APLF: variants seen among roughly 807,000 people sequenced by gnomAD.
APLF encodes aprataxin and PNK-like factor.
APLF carries 61 observed loss-of-function variants against 55.6 expected under a neutral mutation model. That is an observed-to-expected ratio of 1.10 (90% confidence interval 0.89 to 1.36). The LOEUF (loss-of-function observed/expected upper bound fraction) is 1.36. Ranked by LOEUF, APLF falls within the 40% of genes most tolerant of loss-of-function variation. The pLI, the probability that APLF is intolerant of heterozygous loss-of-function variation, is 0.00. For synonymous variants in APLF, 207 were observed against 214.8 expected, an observed-to-expected ratio of 0.96 and a Z score of 0.32; for missense variants, 611 against 602.5, an observed-to-expected ratio of 1.01 and a Z score of -0.15.
intron 6 of APLF, chr2:68,528,669 C>T (rs1350122696): frequency 9.3e-6 from 14 of 1,511,848 alleles, no homozygotes; most frequent in Non-Finnish European, 1.2e-5. Flanking sequence ...CAGCCCGGAA[C>T]TGGGGCAGGG....
At chr2:68,552,550 A>G (rs1670894681) in intron 8 of APLF, among the ~76,000 whole-genome samples, 1 of 152,078 alleles carries the variant, frequency 6.6e-6, no homozygotes. Context: ...CATAAAAGTG[A>G]TTTTTACAGC....
At chr2:68,555,116 A>G (rs1286512810) in intron 8 of APLF, among the ~76,000 whole-genome samples, 1 of 152,122 alleles carries the variant, frequency 6.6e-6, no homozygotes, top group African/African-American at 2.4e-5. Flanking sequence ...CATGTAGGAA[A>G]ATGAAACTGG....
chr2:68,510,737 G>A (rs771150601), intron 3 of APLF, among the ~76,000 whole-genome samples: 20 of 151,730 alleles, frequency 1.3e-4, no homozygotes, highest in Non-Finnish European at 2.4e-4. Context: ...GTTCACAGCA[G>A]CATTATTCAT....
chr2:68,568,711 C>T (rs537407284), intron 9 of APLF, among the ~76,000 whole-genome samples: 1 of 152,106 alleles, frequency 6.6e-6, no homozygotes, highest in South Asian at 2.1e-4. Flanking sequence ...CATCATATAG[C>T]ATAGTTAAAA....
intron 1 of APLF, among the ~76,000 whole-genome samples, chr2:68,480,006 A>T (rs1389691861): frequency 6.6e-6 from 1 of 152,208 alleles, no homozygotes; most frequent in Non-Finnish European, 1.5e-5. Flanking sequence ...CTAGCTTATT[A>T]TAAGAATATA....
chr2:68,543,078 G>C (rs1670601453), intron 7 of APLF, among the ~76,000 whole-genome samples: 1 of 152,162 alleles, frequency 6.6e-6, no homozygotes, highest in Admixed American at 6.6e-5. Flanking sequence ...CTACTTGTAG[G>C]AGGTATCTAG....
rs1244971080 is a variant in APLF at position 68,526,217 on chromosome 2, A to T, written c.779A>T (p.Gln260Leu). The change falls in exon 6 of 10, where the codon CAG (glutamine) becomes CTG (leucine). Residue 260 changes from glutamine (Q) to leucine (L), a missense_variant. By Grantham distance (113) the Gln-to-Leu change is moderately radical. Coordinates refer to ENST00000303795, the MANE Select transcript of APLF (RefSeq NM_173545.3). ...DTGEECKNTD[Q>L]EESTISSKEM... ...GGAGAAGAGTGCAAAAATACTGATCAGGAAGAGTCTACCATTTCATCCAAG... is the reference window on the plus strand; with the variant it reads ...GGAGAAGAGTGCAAAAATACTGATCTGGAAGAGTCTACCATTTCATCCAAG... The T allele has an allele frequency of 6.2e-7, 1 of 1,607,952 alleles. No individual in the cohort carries two copies. Among genetic ancestry groups the T allele is most frequent in the Admixed American group, 1.7e-5 (1 of 58,474 alleles).
At chr2:68,476,972 A>T (rs995012317) in intron 1 of APLF, among the ~76,000 whole-genome samples, 3 of 152,222 alleles carry the variant, frequency 2.0e-5, no homozygotes, top group African/African-American at 7.2e-5. Flanking sequence ...CAAACTCTAT[A>T]TTTAAAAAAC....
intron 4 of APLF, 136 bp downstream of exon 4, chr2:68,513,363 C>G: frequency 3.9e-6 from 5 of 1,275,360 alleles, no homozygotes; most frequent in Non-Finnish European, 5.4e-6. Flanking sequence ...AAGTTAAGCT[C>G]TAGAGAATAT....
rs1670295574 is a variant in APLF, at chr2:68,532,900, C to T, written c.805-4972C>T. On this transcript the variant is annotated intron_variant, in intron 6 of 9. Coordinates refer to ENST00000303795, the MANE Select transcript of APLF (RefSeq NM_173545.3). ...GGAGGCTGTTTAGGTTATGAGGGCT[C>T]TGTGCTCATGAATGGATAATGCTGC... is the stretch of plus-strand genomic sequence containing the variant. Among the ~76,000 whole-genome samples the T allele has an allele frequency of 1.3e-5, 2 of 152,120 alleles. 1 individual carries two copies. The highest frequency in any genetic ancestry group is 4.2e-4 in the South Asian group (2 of 4,812).
At chr2:68,483,050 G>A (rs755981994) in intron 1 of APLF, among the ~76,000 whole-genome samples, 1 of 152,040 alleles carries the variant, frequency 6.6e-6, no homozygotes, top group African/African-American at 2.4e-5. Flanking sequence ...TCCTTCATGT[G>A]GTCTTTATGG....
intron 1 of APLF, among the ~76,000 whole-genome samples, chr2:68,481,531 A>G (rs2103889620): frequency 6.6e-6 from 1 of 152,008 alleles, no homozygotes; most frequent in East Asian, 1.9e-4. Context: ...TTGTTTGTAG[A>G]ATTTTCTCAT....
intron 1 of APLF, among the ~76,000 whole-genome samples, chr2:68,471,168 C>T (rs1027201585): frequency 6.6e-6 from 1 of 152,170 alleles, no homozygotes; most frequent in Non-Finnish European, 1.5e-5. Context: ...CTCATTCACT[C>T]TACCCTCAAA....
At chr2:68,525,738 C>CTTTTTTTT (rs1316999754) in intron 5 of APLF, among the ~76,000 whole-genome samples, 5 of 106,850 alleles carry the variant, frequency 4.7e-5, no homozygotes, top group African/African-American at 2.3e-4. Flanking sequence ...TATTTTCTTT[C>CTTTTTTTT]TTTCTTTTTT....
chr2:68,558,683 T>G (rs1466608681), intron 8 of APLF, among the ~76,000 whole-genome samples: 1 of 152,200 alleles, frequency 6.6e-6, no homozygotes, highest in Non-Finnish European at 1.5e-5. Flanking sequence ...ATGCACAGGT[T>G]TGTTACATAG....
At chr2:68,487,532 A>C (rs1177849474) in intron 1 of APLF, among the ~76,000 whole-genome samples, 1 of 152,148 alleles carries the variant, frequency 6.6e-6, no homozygotes, top group Non-Finnish European at 1.5e-5. Flanking sequence ...AAGATGATAC[A>C]TGACAAGTCT....
chr2:68,513,673 C>T lies in APLF; in HGVS notation c.615C>T (p.Ile205=). 2 of 1,610,478 alleles carry T rather than the reference C, an allele frequency of 1.2e-6. No homozygotes were observed. The highest frequency in any genetic ancestry group is 1.3e-5 in the African/African-American group (1 of 74,822). ...LSDQNLSVPA[I]SGGNVIQGSG... ...ATCAAAACCTTTCAGTACCAGCAAT[C>T]AGTGGAGGTAGGTTTTTGTTTCTAC... The change falls in exon 5 of 10, where the codon ATC becomes ATT. Residue 205 remains isoleucine (I), a synonymous_variant. Transcript: ENST00000303795.
intron 6 of APLF, among the ~76,000 whole-genome samples, chr2:68,532,353 G>A (rs146887434): frequency 2.0e-4 from 30 of 152,218 alleles, no homozygotes; most frequent in African/African-American, 7.2e-4. Context: ...TGGAGAGAAG[G>A]GACAAAAATC....
chr2:68,500,556 G>C (rs1676687413), intron 2 of APLF, among the ~76,000 whole-genome samples: 1 of 152,158 alleles, frequency 6.6e-6, no homozygotes, highest in African/African-American at 2.4e-5. Flanking sequence ...TTGTAAGTTT[G>C]GGACCATGTC....
Sources: allele counts gnomAD v4.1 joint callset (sites outside exome capture counted in the v4.1 genomes callset), GRCh38; gene constraint gnomAD v4.1.1; transcripts MANE v1.5; gene names NCBI Gene and HGNC (gene_info 2026-07-23, HGNC 2026-07-21).